Variants in SYT1 observed in about 807,000 individuals in gnomAD.
The protein encoded by SYT1 is synaptotagmin 1.
SYT1 carries 8 observed loss-of-function variants against 44.8 expected under a neutral mutation model. That is an observed-to-expected ratio of 0.18 (90% CI 0.10 to 0.32). SYT1 has a LOEUF of 0.32. Among genes scored for constraint, SYT1 ranks in the 10% least tolerant of loss-of-function variants. The pLI is 1.00. For synonymous variants in SYT1, 154 were observed against 188.8 expected (o/e 0.82, Z 1.51); for missense variants, 286 against 509.3 (o/e 0.56, Z 4.22).
intron 3 of SYT1, among the ~76,000 whole-genome samples, chr12:79,101,620 TA>T (rs1181128062): frequency 6.6e-6 from 1 of 152,172 alleles, no homozygotes; most frequent in Non-Finnish European, 1.5e-5. Flanking sequence ...GTGTTATATA[TA>T]AATTTCCTCA....
At chr12:79,236,161 C>T (rs889386247) in intron 4 of SYT1, among the ~76,000 whole-genome samples, 8 of 152,202 alleles carry the variant, frequency 5.3e-5, no homozygotes, top group African/African-American at 1.4e-4. Context: ...CCATTTATGG[C>T]CAGCCCATTG....
At chr12:79,037,058 A>G (rs1254134523) in intron 2 of SYT1, among the ~76,000 whole-genome samples, 1 of 151,830 alleles carries the variant, frequency 6.6e-6, no homozygotes. Flanking sequence ...ACATTTATTT[A>G]TGTGACAGGT....
At chr12:79,214,373 A>T (rs902635976) in intron 3 of SYT1, among the ~76,000 whole-genome samples, 4 of 152,188 alleles carry the variant, frequency 2.6e-5, no homozygotes, top group Admixed American at 2.6e-4. Flanking sequence ...TTATGTCTAT[A>T]GAGGATTGGT....
chr12:78,972,474 C>T (rs2137394821), intron 1 of SYT1, among the ~76,000 whole-genome samples: 1 of 151,436 alleles, frequency 6.6e-6, no homozygotes, highest in Non-Finnish European at 1.5e-5. Flanking sequence ...AAAACGAACA[C>T]ACAGAAGTTA....
chr12:79,080,104 C>G (rs1187180302), intron 3 of SYT1, among the ~76,000 whole-genome samples: 1 of 152,056 alleles, frequency 6.6e-6, no homozygotes, highest in Admixed American at 6.6e-5. Context: ...AGCAAACTTT[C>G]TGCTCTTTCA....
At chr12:79,054,259 A>G (rs1874761908) in intron 3 of SYT1, among the ~76,000 whole-genome samples, 1 of 152,014 alleles carries the variant, frequency 6.6e-6, no homozygotes, top group African/African-American at 2.4e-5. Context: ...TCCTATATGA[A>G]TGTCTATGCA....
At chr12:79,014,122 C>CAAAAAAAAAAAAAAAAAAAAAAAAAA (rs1358787041) in intron 2 of SYT1, among the ~76,000 whole-genome samples, 17 of 39,524 alleles carry the variant, frequency 4.3e-4, no homozygotes, top group East Asian at 1.2e-3. Flanking sequence ...AGACTCTCTC[C>CAAAAAAAAAAAAAAAAAAAAAAAAAA]AAAAAAAAAA....
rs536217889 is a variant in SYT1, at chr12:79,186,188, T to C, written c.-17-31315T>C. ...AAGTATAAAATTTTTATGAGTAATA[T>C]GACATAAAGTTCAATTACTTTATCA... On this transcript the variant is annotated intron_variant, in intron 3 of 10. Transcript: ENST00000261205. Among the ~76,000 whole-genome samples, 3 of 152,160 alleles carry C rather than the reference T, an allele frequency of 2.0e-5. No homozygotes were observed. The East Asian group carries it at 5.8e-4, about 29-fold the overall frequency.
chr12:79,194,080 G>A (rs1873293527), intron 3 of SYT1, among the ~76,000 whole-genome samples: 1 of 152,092 alleles, frequency 6.6e-6, no homozygotes, highest in Non-Finnish European at 1.5e-5. Flanking sequence ...AGTGTTTTAT[G>A]CAGAGTGAGC....
chr12:79,211,479 G>A (rs895866814), intron 3 of SYT1, among the ~76,000 whole-genome samples: 2 of 151,784 alleles, frequency 1.3e-5, no homozygotes, highest in Non-Finnish European at 2.9e-5. Context: ...TAGGGTACAT[G>A]TGCACATTGT....
intron 4 of SYT1, among the ~76,000 whole-genome samples, chr12:79,262,984 G>A (rs1282636274): frequency 6.6e-6 from 1 of 152,176 alleles, no homozygotes; most frequent in East Asian, 1.9e-4. Flanking sequence ...AGCAAAGCTT[G>A]GAGCACAGGG....
chr12:78,959,468 CA>C (rs1205983314), intron 1 of SYT1, among the ~76,000 whole-genome samples: 1 of 151,974 alleles, frequency 6.6e-6, no homozygotes, highest in Non-Finnish European at 1.5e-5. Context: ...TATTTTGCTT[CA>C]AATTTGTTCT....
intron 2 of SYT1, among the ~76,000 whole-genome samples, chr12:78,991,277 T>C (rs773203926): frequency 1.7e-4 from 26 of 152,122 alleles, no homozygotes; most frequent in Non-Finnish European, 1.5e-4. Flanking sequence ...ATTTATAATA[T>C]GTAAAGATCT....
At chr12:79,026,628 A>T (rs1294312400) in intron 2 of SYT1, among the ~76,000 whole-genome samples, 1 of 144,912 alleles carries the variant, frequency 6.9e-6, no homozygotes, top group Non-Finnish European at 1.5e-5. Context: ...TTTTATACAC[A>T]TATATGTATA....
intron 3 of SYT1, among the ~76,000 whole-genome samples, chr12:79,189,963 G>T (rs932701972): frequency 6.6e-6 from 1 of 152,108 alleles, no homozygotes; most frequent in Non-Finnish European, 1.5e-5. Context: ...AAAAGTGCTG[G>T]AAGTGGCATA....
At chr12:79,210,661 G>T (rs1323361634) in intron 3 of SYT1, among the ~76,000 whole-genome samples, 3 of 152,112 alleles carry the variant, frequency 2.0e-5, no homozygotes, top group Non-Finnish European at 4.4e-5. Context: ...ATGGACATTT[G>T]GGTTGGTTCC....
intron 3 of SYT1, among the ~76,000 whole-genome samples, chr12:79,060,199 T>A (rs1411666888): frequency 6.6e-6 from 1 of 152,096 alleles, no homozygotes; most frequent in East Asian, 1.9e-4. Context: ...AAGTTCTCTG[T>A]TCCCTTACTT....
chr12:79,178,949 G>GAT lies in SYT1; in HGVS notation c.-17-38550_-17-38549dup, dbSNP rs1242457687. ...ATATATCTATATAGATATAGATATA[G>GAT]ATATAGATATAGATATAGATATATA... is the stretch of plus-strand genomic sequence containing the variant. On this transcript the variant is annotated intron_variant, in intron 3 of 10. Transcript: ENST00000261205. Among the ~76,000 whole-genome samples, 3 of 51,858 alleles carry GAT rather than the reference G, an allele frequency of 5.8e-5. 1 individual carries two copies. Among genetic ancestry groups the GAT allele is most frequent in the Non-Finnish European group, 1.1e-4 (3 of 27,632 alleles). The allele number at this position is 51,858 out of a possible 152,430, so 34.0% of individuals were successfully genotyped here.
chr12:79,328,234 G>A (rs1881694385), intron 8 of SYT1, among the ~76,000 whole-genome samples: 1 of 152,178 alleles, frequency 6.6e-6, no homozygotes. Context: ...ATAGAGAGGT[G>A]AGGGGCAGAG....
Sources: gnomAD v4.1 joint callset for allele counts (sites outside exome capture counted in the v4.1 genomes callset) on GRCh38, gnomAD v4.1.1 for gene constraint, MANE v1.5 for transcripts, NCBI Gene and HGNC (gene_info 2026-07-23, HGNC 2026-07-21) for gene names.